BCL11A: variants seen among roughly 807,000 people sequenced by gnomAD.
The protein encoded by BCL11A is BCL11 transcription factor A, also known as B cell CLL/lymphoma 11A.
A neutral mutation model predicts 55.9 loss-of-function variants in BCL11A; 2 were observed. That is an observed-to-expected ratio of 0.04 (90% CI 0.01 to 0.11). BCL11A has a LOEUF of 0.11. BCL11A is among the 10% of genes least tolerant of loss of function. The pLI is 1.00. For missense variants in BCL11A, 817 were observed against 1,137.1 expected, an observed-to-expected ratio of 0.72 and a Z score of 4.05; for synonymous variants, 465 against 473.4, an observed-to-expected ratio of 0.98 and a Z score of 0.23.
intron 2 of BCL11A, among the ~76,000 whole-genome samples, chr2:60,509,870 C>T (rs1679885768): frequency 6.6e-6 from 1 of 152,114 alleles, no homozygotes; most frequent in Admixed American, 6.5e-5. Context: ...CCAGACACAC[C>T]CATCCTCTGA....
At position 60,459,860 on chromosome 2, in the gene BCL11A, C is replaced by G. The variant is rs1007203256; in HGVS notation, c.*544G>C. 4 of 1,046,394 alleles carry G rather than the reference C, an allele frequency of 3.8e-6. No individual in the cohort carries two copies. In the African/African-American group the frequency reaches 6.7e-5, roughly 17 times the overall value. The allele number at this position is 1,046,394 out of a possible 1,614,324, so 64.8% of individuals were successfully genotyped here. A position where few individuals can be genotyped will look rare whatever the true frequency, so the allele number is the denominator to read the frequency against. On this transcript the variant is annotated 3_prime_UTR_variant, in exon 4 of 4. Transcript: ENST00000642384. ...TGTCTATAGAGGGTTAATCCAAAGA[C>G]TGTTTTTCCTCCTCACGTTATAAAA...
At chr2:60,516,336 C>T (rs1305820541) in intron 2 of BCL11A, among the ~76,000 whole-genome samples, 1 of 152,204 alleles carries the variant, frequency 6.6e-6, no homozygotes, top group African/African-American at 2.4e-5. Flanking sequence ...TCTGCTGGCT[C>T]ACAGGGAATC....
In BCL11A at chr2:60,460,209, GA is replaced by G. The variant is rs368170123; in HGVS notation, c.*194del. 944 of 1,278,810 alleles carry G rather than the reference GA, an allele frequency of 7.4e-4. 9 individuals carry two copies. In the African/African-American group the frequency reaches 0.013, roughly 18 times the overall value. 79.2% of individuals were successfully genotyped at this position (1,278,810 alleles called of 1,614,324 possible). ...GAAAAAGAAAAAAGAAAAAGAAAAA[GA>G]AAAAAAACAGGTGTGCTGGTGACAA... On this transcript the variant is annotated 3_prime_UTR_variant, in exon 4 of 4. Transcript: ENST00000642384.
chr2:60,495,615 C>A (rs1254922099), intron 2 of BCL11A: 1 of 152,256 alleles, frequency 6.6e-6, no homozygotes, highest in Non-Finnish European at 1.5e-5. Flanking sequence ...GGGTGGGGTG[C>A]AGACATTCTC....
downstream of BCL11A, chr2:60,451,090 C>T (rs1177394355): frequency 1.1e-5 from 2 of 179,526 alleles, no homozygotes; most frequent in Non-Finnish European, 1.2e-5. Context: ...AAGTAGAAGT[C>T]GTGAGATCTG....
chr2:60,458,852 TA>T lies in BCL11A; in HGVS notation c.*1551del. The T allele has an allele frequency of 9.7e-7, 1 of 1,026,526 alleles. No individual in the cohort carries two copies. The highest frequency in any genetic ancestry group is 1.7e-5 in the African/African-American group (1 of 59,128). 63.6% of individuals were successfully genotyped at this position (1,026,526 alleles called of 1,614,324 possible). A position where few individuals can be genotyped will look rare whatever the true frequency, so the allele number is the denominator to read the frequency against. On this transcript the variant is annotated 3_prime_UTR_variant, in exon 4 of 4. Transcript: ENST00000642384. ...CCAACTGGGGCAGATGCTAGCTTAATAAAAAAGAAAAAATTAAAAAAATAAA... is the reference window on the plus strand; with the variant it reads ...CCAACTGGGGCAGATGCTAGCTTAATAAAAAGAAAAAATTAAAAAAATAAA...
intron 2 of BCL11A, chr2:60,535,787 T>C (rs1172768360): frequency 1.3e-5 from 2 of 152,364 alleles, no homozygotes; most frequent in Admixed American, 6.5e-5. Flanking sequence ...ATTTAATCCA[T>C]GGTGAACGGG....
At chr2:60,453,852 C>A (rs1558605563), downstream of BCL11A, among the ~76,000 whole-genome samples, 1 of 152,140 alleles carries the variant, frequency 6.6e-6, no homozygotes, top group South Asian at 2.1e-4. Context: ...TACACGTGCT[C>A]CCTTGAAATA....
chr2:60,509,071 C>T (rs1679825233), intron 2 of BCL11A, among the ~76,000 whole-genome samples: 1 of 152,216 alleles, frequency 6.6e-6, no homozygotes, highest in South Asian at 2.1e-4. Context: ...GAAACACTGA[C>T]TCTTATTTCT....
At chr2:60,542,406 A>T (rs1669961595) in intron 2 of BCL11A, 1 of 152,286 alleles carries the variant, frequency 6.6e-6, no homozygotes, top group South Asian at 2.1e-4. Context: ...CCATCATAAA[A>T]TATGAGACTA....
At chr2:60,466,754 T>C (rs1185119384) in intron 3 of BCL11A, among the ~76,000 whole-genome samples, 1 of 152,168 alleles carries the variant, frequency 6.6e-6, no homozygotes, top group Non-Finnish European at 1.5e-5. Context: ...TTTGTTATTC[T>C]CTCTCCATGA....
intron 2 of BCL11A, chr2:60,533,490 T>C (rs1669545444): frequency 6.6e-6 from 1 of 152,248 alleles, no homozygotes; most frequent in South Asian, 2.1e-4. Flanking sequence ...TTGTTTTGTT[T>C]TCTTAAATAC....
intron 2 of BCL11A, among the ~76,000 whole-genome samples, chr2:60,483,677 C>T (rs537882481): frequency 5.1e-4 from 78 of 152,304 alleles, no homozygotes; most frequent in African/African-American, 1.6e-3. Context: ...TATTAGCAGA[C>T]GTGGATTACA....
At chr2:60,483,564 G>A (rs547934410) in intron 2 of BCL11A, among the ~76,000 whole-genome samples, 1 of 152,314 alleles carries the variant, frequency 6.6e-6, no homozygotes, top group South Asian at 2.1e-4. Flanking sequence ...TTAAGTTAGG[G>A]CACTGTGTTC....
chr2:60,529,797 T>C (rs1192372348), intron 2 of BCL11A, among the ~76,000 whole-genome samples: 1 of 152,184 alleles, frequency 6.6e-6, no homozygotes, highest in African/African-American at 2.4e-5. Flanking sequence ...AAGTCTATGA[T>C]GGGAAAAATA....
In BCL11A at chr2:60,550,919, G is replaced by A. The variant is rs1284172184; in HGVS notation, c.55+2297C>T. ...CGCGCGCCGCGTCTGATCCGCATCC[G>A]GCGCGGCCGGGGGAGTTGGGGGCGG... On this transcript the variant is annotated intron_variant, in intron 1 of 3. Transcript: ENST00000642384. 15 of 397,998 alleles carry A rather than the reference G, an allele frequency of 3.8e-5. No homozygotes were observed. In the Admixed American group the frequency reaches 4.4e-4, roughly 12 times the overall value. 24.7% of individuals were successfully genotyped at this position (397,998 alleles called of 1,614,324 possible).
intron 2 of BCL11A, chr2:60,544,330 C>CTT (rs1385375945): frequency 3.9e-5 from 6 of 152,210 alleles, no homozygotes; most frequent in Admixed American, 2.6e-4. Context: ...ATGCCTTACA[C>CTT]TTCTGTTCAT....
intron 2 of BCL11A, among the ~76,000 whole-genome samples, chr2:60,481,710 C>G (rs890478295): frequency 2.0e-5 from 3 of 152,206 alleles, no homozygotes; most frequent in Non-Finnish European, 4.4e-5. Context: ...GCACATACAA[C>G]TCAGGGCTCC....
At chr2:60,533,131 G>A (rs1669530821) in intron 2 of BCL11A, 1 of 152,178 alleles carries the variant, frequency 6.6e-6, no homozygotes, top group Non-Finnish European at 1.5e-5. Context: ...AGAGTATAAA[G>A]CACAGCTCCT....
Sources: allele counts gnomAD v4.1 joint callset (sites outside exome capture counted in the v4.1 genomes callset), GRCh38; gene constraint gnomAD v4.1.1; transcripts MANE v1.5; gene names NCBI Gene and HGNC (gene_info 2026-07-23, HGNC 2026-07-21).